Variants in PAX7 observed in about 807,000 individuals in gnomAD.
PAX7 encodes the protein paired box protein Pax-7.
Under a neutral mutation model 50.7 loss-of-function variants are expected in PAX7, and 18 were observed. The ratio of observed to expected loss-of-function variants is 0.36; its 90% CI spans 0.25 to 0.53. The LOEUF (loss-of-function observed/expected upper bound fraction) is 0.53, where lower values mean the gene tolerates loss of function less well. Among genes scored for constraint, PAX7 ranks in the 20% least tolerant of loss-of-function variants. The pLI, the probability that PAX7 is intolerant of heterozygous loss-of-function variation, is 0.93. For missense variants in PAX7, 644 were observed against 702.9 expected (o/e 0.92, Z 0.95); for synonymous variants, 310 against 290.4 (o/e 1.07, Z -0.69).
At chr1:18,694,873 G>T (rs894309024) in intron 5 of PAX7, among the ~76,000 whole-genome samples, 1 of 152,162 alleles carries the variant, frequency 6.6e-6, no homozygotes, top group East Asian at 1.9e-4. Context: ...TCAAACAAAA[G>T]CACAATGTCC....
At chr1:18,725,487 A>C (rs2100380980) in intron 7 of PAX7, among the ~76,000 whole-genome samples, 1 of 152,114 alleles carries the variant, frequency 6.6e-6, no homozygotes, top group East Asian at 1.9e-4. Flanking sequence ...AGCCGCTGAC[A>C]AACTGTTTCT....
chr1:18,725,337 G>T (rs1166636401), intron 7 of PAX7, among the ~76,000 whole-genome samples: 3 of 150,292 alleles, frequency 2.0e-5, no homozygotes, highest in Non-Finnish European at 3.0e-5. Flanking sequence ...GCCAGGCCAG[G>T]GGGGCCTGAG....
chr1:18,636,060 A>T lies in PAX7; in HGVS notation c.452-177A>T, dbSNP rs533023213. Among the ~76,000 whole-genome samples the T allele has an allele frequency of 5.3e-5, 8 of 152,116 alleles. No individual in the cohort carries two copies. Among genetic ancestry groups the T allele is most frequent in the Non-Finnish European group, 1.0e-4 (7 of 68,012 alleles). On this transcript the variant is annotated intron_variant, in intron 3 of 8. Transcript: ENST00000420770. This position sits in a 1 kb window ranked among gnomAD's most constrained non-coding sequence, Gnocchi z 5.1. Reference sequence around the variant, plus strand: ...CCGGGGTGTGAGTCAGGCTTCTCCAAGTGGATGCTGGTTATGGAGTACGTG... The same window carrying T: ...CCGGGGTGTGAGTCAGGCTTCTCCATGTGGATGCTGGTTATGGAGTACGTG...
At chr1:18,733,195 TGACA>T (rs2089668668) in intron 7 of PAX7, among the ~76,000 whole-genome samples, 1 of 152,026 alleles carries the variant, frequency 6.6e-6, no homozygotes, top group African/African-American at 2.4e-5. Flanking sequence ...GATCCCATCT[TGACA>T]GACAGAAAGC....
chr1:18,730,816 G>A (rs1413184371), intron 7 of PAX7, among the ~76,000 whole-genome samples: 10 of 152,184 alleles, frequency 6.6e-5, no homozygotes, highest in African/African-American at 2.4e-4. Flanking sequence ...CCTCTCCCCA[G>A]CAGACGGAAG....
At position 18,735,759 on chromosome 1, in the gene PAX7, A is replaced by G. The variant is rs759475682; in HGVS notation, c.1283A>G (p.Asp428Gly). ...SISASCSQRA[D>G]SIKPGDSLPT... is the part of the protein sequence containing the mutation. ...TCAGCCAGCTGCAGCCAGCGGGCCG[A>G]CTCCATCAAGCCAGGAGACAGCCTG... The change falls in exon 8 of 9, where the codon GAC becomes GGC. Residue 428 changes from aspartate to glycine, a missense_variant. Transcript: ENST00000420770. This position sits in a 1 kb window ranked among gnomAD's most constrained non-coding sequence, Gnocchi z 4.0. The G allele has an allele frequency of 6.2e-7, 1 of 1,613,662 alleles. No individual in the cohort carries two copies. Among genetic ancestry groups the G allele is most frequent in the African/African-American group, 1.3e-5 (1 of 74,798 alleles).
chr1:18,704,485 T>C (rs1042122117), intron 7 of PAX7, among the ~76,000 whole-genome samples: 1 of 152,138 alleles, frequency 6.6e-6, no homozygotes, highest in Non-Finnish European at 1.5e-5. Flanking sequence ...CCAGGCATGA[T>C]GGCAGGTGCC....
intron 4 of PAX7, among the ~76,000 whole-genome samples, chr1:18,683,394 C>G (rs2088926677): frequency 6.7e-6 from 1 of 149,002 alleles, no homozygotes; most frequent in Non-Finnish European, 1.5e-5. Flanking sequence ...ACTTTATGTG[C>G]CGTAAGATAC....
intron 4 of PAX7, among the ~76,000 whole-genome samples, chr1:18,662,367 G>A (rs940592007): frequency 5.9e-5 from 9 of 152,166 alleles, no homozygotes; most frequent in African/African-American, 1.4e-4. Flanking sequence ...TCCATGAGGC[G>A]ACCTTTCTGC....
At position 18,631,629 on chromosome 1, in the gene PAX7, C is replaced by G. The variant is rs748250427; in HGVS notation, c.26C>G (p.Pro9Arg). Residue 9 changes from proline to arginine, a missense_variant, in exon 1 of 9, where the codon CCG becomes CGG. By Grantham distance (103) the Pro-to-Arg change is moderately radical. Transcript: ENST00000420770. MAALPGTV[P>R]RMMRPAPGQN... ...ATGGCGGCCCTTCCCGGCACGGTAC[C>G]GAGAATGATGCGGCCGGCTCCGGGG... is the stretch of plus-strand genomic sequence containing the variant. 1.2e-6 allele frequency: 2 copies of G among 1,613,048 alleles called. No individual in the cohort carries two copies. Among genetic ancestry groups the G allele is most frequent in the Admixed American group, 1.7e-5 (1 of 59,974 alleles).
intron 4 of PAX7, among the ~76,000 whole-genome samples, chr1:18,654,147 G>T (rs1379059978): frequency 6.6e-6 from 1 of 152,180 alleles, no homozygotes; most frequent in East Asian, 1.9e-4. Flanking sequence ...GTCCAGAGAG[G>T]CAGTTCACAG....
intron 4 of PAX7, among the ~76,000 whole-genome samples, chr1:18,680,883 C>A (rs190756292): frequency 1.3e-5 from 2 of 152,218 alleles, no homozygotes; most frequent in African/African-American, 4.8e-5. Context: ...TTGAGCCGGG[C>A]GCGGTGGCTC....
In PAX7 at chr1:18,717,747, C is replaced by T. The variant is rs2089445564; in HGVS notation, c.1155+14451C>T. 2.6e-5 allele frequency among the ~76,000 whole-genome samples: 4 copies of T among 152,342 alleles called. No individual in the cohort carries two copies. In the South Asian group the frequency reaches 8.3e-4, roughly 32 times the overall value. On this transcript the variant is annotated intron_variant, in intron 7 of 8. Transcript: ENST00000420770. ...AGCTGCAAACATGCCCTGGGCTCTCCTGAGGGTCTATTTTGTGCCCCATTC... is the reference window on the plus strand; with the variant it reads ...AGCTGCAAACATGCCCTGGGCTCTCTTGAGGGTCTATTTTGTGCCCCATTC...
At chr1:18,686,864 TC>T (rs370807725) in intron 4 of PAX7, among the ~76,000 whole-genome samples, 2 of 150,812 alleles carry the variant, frequency 1.3e-5, no homozygotes, top group African/African-American at 4.9e-5. Flanking sequence ...TGCAAATTAC[TC>T]CTATCATCTT....
chr1:18,642,089 T>A (rs930651626), intron 4 of PAX7, among the ~76,000 whole-genome samples: 3 of 151,668 alleles, frequency 2.0e-5, no homozygotes, highest in South Asian at 2.1e-4. Context: ...CTTTTTTTTT[T>A]AAGAATGTCT....
intron 7 of PAX7, among the ~76,000 whole-genome samples, chr1:18,715,295 TACC>T: frequency 6.6e-6 from 1 of 152,354 alleles, no homozygotes; most frequent in South Asian, 2.1e-4. Flanking sequence ...CCTGTGCAGT[TACC>T]ACATTTTATC....
chr1:18,702,515 C>A (rs1570195063), intron 6 of PAX7, among the ~76,000 whole-genome samples: 2 of 152,058 alleles, frequency 1.3e-5, no homozygotes, highest in African/African-American at 4.8e-5. Context: ...CAAAGCTGCA[C>A]AGAAGGGCCC....
At chr1:18,686,030 G>A (rs1275361035) in intron 4 of PAX7, among the ~76,000 whole-genome samples, 1 of 152,118 alleles carries the variant, frequency 6.6e-6, no homozygotes, top group Non-Finnish European at 1.5e-5. Context: ...AGCACCTTCC[G>A]CCCCTCATTC....
At chr1:18,687,390 CG>C (rs2088992879) in intron 4 of PAX7, among the ~76,000 whole-genome samples, 1 of 152,124 alleles carries the variant, frequency 6.6e-6, no homozygotes, top group Non-Finnish European at 1.5e-5. Flanking sequence ...CTGATTAGAC[CG>C]GGGCTGTCCC....
Sources: allele counts gnomAD v4.1 joint callset (sites outside exome capture counted in the v4.1 genomes callset), GRCh38; gene constraint gnomAD v4.1.1; non-coding constraint Gnocchi (gnomAD v3.1); transcripts MANE v1.5; gene names NCBI Gene and HGNC (gene_info 2026-07-23, HGNC 2026-07-21).